The following HS3ST4 variants were observed in gnomAD, a reference collection of about 807,000 sequenced individuals.
The protein encoded by HS3ST4 is heparan sulfate glucosamine 3-O-sulfotransferase 4.
In HS3ST4, 17 loss-of-function variants were observed where a neutral mutation model predicts 29.2. The observed-to-expected ratio is 0.58, with a 90% CI of 0.40 to 0.87. The LOEUF (loss-of-function observed/expected upper bound fraction) is 0.87. Among genes scored for constraint, HS3ST4 ranks in the 40% least tolerant of loss-of-function variants. The probability of loss-of-function intolerance (pLI) is 0.00; values close to 1 mark genes in which losing one functional copy is unlikely to be tolerated. For missense variants in HS3ST4, 627 were observed against 634.5 expected, an observed-to-expected ratio of 0.99 and a Z score of 0.13; for synonymous variants, 314 against 285.7, an observed-to-expected ratio of 1.10 and a Z score of -1.00.
At chr16:25,735,907 G>A (rs1195246433) in intron 1 of HS3ST4, among the ~76,000 whole-genome samples, 2 of 152,180 alleles carry the variant, frequency 1.3e-5, no homozygotes, top group African/African-American at 4.8e-5. Context: ...AGGAAGAGCT[G>A]TCCCCTAAAG....
chr16:25,968,347 A>AC (rs1248403061), intron 1 of HS3ST4, among the ~76,000 whole-genome samples: 1 of 152,116 alleles, frequency 6.6e-6, no homozygotes, highest in Non-Finnish European at 1.5e-5. Context: ...GTGTCTCTGG[A>AC]CGATCAGGAC....
intron 1 of HS3ST4, among the ~76,000 whole-genome samples, chr16:25,703,222 C>G (rs781367925): frequency 6.6e-6 from 1 of 152,100 alleles, no homozygotes; most frequent in Non-Finnish European, 1.5e-5. Context: ...TGGATGCACT[C>G]ATGTTGCCAC....
At chr16:26,043,217 A>C (rs1024994426) in intron 1 of HS3ST4, among the ~76,000 whole-genome samples, 7 of 152,230 alleles carry the variant, frequency 4.6e-5, no homozygotes, top group Admixed American at 1.3e-4. Flanking sequence ...AGCTGTGACA[A>C]GTGCATGGTA....
chr16:26,025,694 G>C lies in HS3ST4; in HGVS notation c.735-109918G>C, dbSNP rs552783261. 3.9e-5 allele frequency among the ~76,000 whole-genome samples: 6 copies of C among 152,318 alleles called. No homozygotes were observed. In the South Asian group the frequency reaches 1.2e-3, roughly 32 times the overall value. The stretch of plus-strand genomic sequence containing the variant: ...AACATTGATTGATGTCACATCATGG[G>C]ATCGTAGGCAATAACAGGGAATTCA... On this transcript the variant is annotated intron_variant, in intron 1 of 1. Coordinates refer to ENST00000331351, the MANE Select transcript of HS3ST4 (RefSeq NM_006040.3).
intron 1 of HS3ST4, among the ~76,000 whole-genome samples, chr16:25,927,066 GA>G (rs57586066): frequency 9.4e-5 from 14 of 148,442 alleles, no homozygotes; most frequent in South Asian, 2.1e-4. Flanking sequence ...CCGTCTAAAA[GA>G]AAAAAAAAAG....
intron 1 of HS3ST4, among the ~76,000 whole-genome samples, chr16:26,055,230 G>C (rs914005500): frequency 6.6e-6 from 1 of 152,102 alleles, no homozygotes; most frequent in Non-Finnish European, 1.5e-5. Context: ...AGTTAGACTG[G>C]CTCAGCCCCA....
At chr16:25,828,575 A>G (rs1967260218) in intron 1 of HS3ST4, among the ~76,000 whole-genome samples, 1 of 151,842 alleles carries the variant, frequency 6.6e-6, no homozygotes, top group South Asian at 2.1e-4. Flanking sequence ...TCCTGGGCTC[A>G]AGCAATCCAC....
intron 1 of HS3ST4, among the ~76,000 whole-genome samples, chr16:25,998,551 C>G (rs1487595655): frequency 6.6e-6 from 1 of 152,136 alleles, no homozygotes; most frequent in Non-Finnish European, 1.5e-5. Flanking sequence ...TCCATCATTG[C>G]AGATTATCAG....
At chr16:26,095,412 CT>C (rs1392761310) in intron 1 of HS3ST4, among the ~76,000 whole-genome samples, 3 of 152,214 alleles carry the variant, frequency 2.0e-5, no homozygotes, top group Non-Finnish European at 4.4e-5. Context: ...TCACAACAAA[CT>C]GTCTCTCAGA....
intron 1 of HS3ST4, among the ~76,000 whole-genome samples, chr16:25,904,029 A>C (rs565038436): frequency 2.6e-5 from 4 of 152,314 alleles, no homozygotes; most frequent in African/African-American, 9.6e-5. Context: ...GAATACATGC[A>C]TGGGTAGATT....
At chr16:25,709,525 C>T (rs749598553) in intron 1 of HS3ST4, among the ~76,000 whole-genome samples, 11 of 152,056 alleles carry the variant, frequency 7.2e-5, no homozygotes, top group Admixed American at 2.0e-4. Flanking sequence ...GAAGTACAAC[C>T]GAATAAAACA....
At chr16:26,044,464 G>A (rs1290792020) in intron 1 of HS3ST4, among the ~76,000 whole-genome samples, 1 of 152,168 alleles carries the variant, frequency 6.6e-6, no homozygotes, top group Non-Finnish European at 1.5e-5. Context: ...CTTCTGGGTT[G>A]GTGAACACAT....
intron 1 of HS3ST4, among the ~76,000 whole-genome samples, chr16:25,961,038 C>A (rs1043206869): frequency 1.3e-5 from 2 of 152,186 alleles, no homozygotes; most frequent in African/African-American, 4.8e-5. Context: ...ATACTTATTT[C>A]GTTACATAGA....
intron 1 of HS3ST4, among the ~76,000 whole-genome samples, chr16:25,711,924 C>T (rs1045391237): frequency 1.3e-5 from 2 of 152,186 alleles, no homozygotes; most frequent in Non-Finnish European, 2.9e-5. Flanking sequence ...CCACTGTGCC[C>T]AGCCTCTTCT....
chr16:26,058,264 T>C (rs1898433025), intron 1 of HS3ST4, among the ~76,000 whole-genome samples: 1 of 152,244 alleles, frequency 6.6e-6, no homozygotes, highest in South Asian at 2.1e-4. Flanking sequence ...ATTTGTGCAG[T>C]ATCTGGGCAT....
At chr16:25,789,209 T>C (rs1201506668) in intron 1 of HS3ST4, among the ~76,000 whole-genome samples, 1 of 152,162 alleles carries the variant, frequency 6.6e-6, no homozygotes, top group Non-Finnish European at 1.5e-5. Context: ...ATTTTACTGA[T>C]AGAAGGTTCC....
At chr16:25,998,339 C>T (rs6497910) in intron 1 of HS3ST4, among the ~76,000 whole-genome samples, 30,411 of 152,048 alleles carry the variant, frequency 0.2, 3,186 homozygotes, top group African/African-American at 0.23. Context: ...CATTTGGATA[C>T]GGTAGTGCAG....
intron 1 of HS3ST4, among the ~76,000 whole-genome samples, chr16:25,995,925 G>A (rs1451860811): frequency 1.3e-5 from 2 of 151,584 alleles, no homozygotes; most frequent in East Asian, 3.9e-4. Flanking sequence ...CTCTACCAGG[G>A]CTGTGTATTG....
chr16:25,923,015 A>G (rs1968369146), intron 1 of HS3ST4, among the ~76,000 whole-genome samples: 1 of 152,298 alleles, frequency 6.6e-6, no homozygotes, highest in South Asian at 2.1e-4. Context: ...TCTGATGAAA[A>G]CACAGTTGTT....
Sources: allele counts gnomAD v4.1 joint callset (sites outside exome capture counted in the v4.1 genomes callset), GRCh38; gene constraint gnomAD v4.1.1; transcripts MANE v1.5; gene names NCBI Gene and HGNC (gene_info 2026-07-23, HGNC 2026-07-21).